NOX4: variants seen among roughly 807,000 people sequenced by gnomAD.
NOX4 encodes NADPH oxidase 4, also known as kidney oxidase-1.
In NOX4, 69 loss-of-function variants were observed where a neutral mutation model predicts 87.6. The observed-to-expected ratio is 0.79, with a 90% confidence interval of 0.65 to 0.96. The LOEUF is 0.96. Among genes scored for constraint, NOX4 ranks in the 40% least tolerant of loss-of-function variants. The probability of loss-of-function intolerance (pLI) is 0.00; values close to 1 mark genes in which losing one functional copy is unlikely to be tolerated. For synonymous variants in NOX4, 275 were observed against 238.2 expected (o/e 1.15, Z -1.42); for missense variants, 680 against 681.5 (o/e 1.00, Z 0.02).
chr11:89,588,726 T>A, the NOX4 span, among the ~76,000 whole-genome samples: 8 of 152,184 alleles, frequency 5.3e-5, no homozygotes, highest in Non-Finnish European at 1.0e-4. Flanking sequence ...GGAGGTTACA[T>A]GGGGGAGCTG....
chr11:89,583,985 T>A, the NOX4 span, among the ~76,000 whole-genome samples: 1 of 152,190 alleles, frequency 6.6e-6, no homozygotes. Context: ...ATGGTTAAAA[T>A]CAATGATGCC....
chr11:89,424,383 C>A (rs1943258830), intron 7 of NOX4, among the ~76,000 whole-genome samples: 1 of 150,182 alleles, frequency 6.7e-6, no homozygotes, highest in Admixed American at 6.6e-5. Context: ...CCATTATTTC[C>A]AGAAAAAGTA....
chr11:89,400,647 C>T (rs1324678586), intron 9 of NOX4, among the ~76,000 whole-genome samples: 1 of 151,900 alleles, frequency 6.6e-6, no homozygotes, highest in Non-Finnish European at 1.5e-5. Flanking sequence ...AGTATATATT[C>T]TTTCATACAC....
intron 8 of NOX4, among the ~76,000 whole-genome samples, chr11:89,419,495 T>C (rs1483872294): frequency 6.6e-6 from 1 of 151,972 alleles, no homozygotes. Context: ...GCATATCTAT[T>C]AAATTTCCTG....
intron 8 of NOX4, among the ~76,000 whole-genome samples, chr11:89,421,156 C>T (rs762343212): frequency 1.3e-4 from 20 of 152,134 alleles, no homozygotes; most frequent in Admixed American, 7.9e-4. Flanking sequence ...CTGTATCTTG[C>T]CAAACCAAGT....
At chr11:89,539,740 T>A in the NOX4 span, among the ~76,000 whole-genome samples, 3 of 152,134 alleles carry the variant, frequency 2.0e-5, no homozygotes, top group South Asian at 6.2e-4. Flanking sequence ...GACTCCTAAG[T>A]CCTGATACCA....
the NOX4 span, among the ~76,000 whole-genome samples, chr11:89,538,574 C>T: frequency 6.6e-5 from 10 of 152,124 alleles, no homozygotes; most frequent in Non-Finnish European, 1.3e-4. Context: ...GAATTTGGAA[C>T]ACTTATTTGA....
chr11:89,400,141 A>G (rs1941741469), intron 10 of NOX4, 62 bp from the exon 11 acceptor site: 2 of 1,578,552 alleles, frequency 1.3e-6, no homozygotes, highest in Non-Finnish European at 1.7e-6. Context: ...TATTTCAATG[A>G]TGCTATGTTT....
chr11:89,485,216 G>T (rs901105612), intron 2 of NOX4, among the ~76,000 whole-genome samples: 1 of 152,062 alleles, frequency 6.6e-6, no homozygotes, highest in African/African-American at 2.4e-5. Flanking sequence ...GAATCTGAAT[G>T]CTCAAGAGCA....
At chr11:89,572,483 T>C in the NOX4 span, among the ~76,000 whole-genome samples, 10 of 152,230 alleles carry the variant, frequency 6.6e-5, no homozygotes, top group Non-Finnish European at 1.2e-4. Context: ...TAAGTTCTTC[T>C]TGAGACAATA....
At chr11:89,526,477 T>C in the NOX4 span, among the ~76,000 whole-genome samples, 2 of 152,184 alleles carry the variant, frequency 1.3e-5, no homozygotes, top group African/African-American at 2.4e-5. Flanking sequence ...ATCTACGATA[T>C]GGTTAGGCTT....
chr11:89,525,804 G>A, the NOX4 span, among the ~76,000 whole-genome samples: 2 of 151,966 alleles, frequency 1.3e-5, no homozygotes, highest in Non-Finnish European at 2.9e-5. Flanking sequence ...AAGGTTTCAA[G>A]AATTTGTCTT....
chr11:89,586,168 A>C, the NOX4 span, among the ~76,000 whole-genome samples: 1 of 151,800 alleles, frequency 6.6e-6, no homozygotes, highest in Non-Finnish European at 1.5e-5. Context: ...TCTCTACCAA[A>C]ATGATCACTC....
chr11:89,565,948 T>A, the NOX4 span, among the ~76,000 whole-genome samples: 1 of 152,156 alleles, frequency 6.6e-6, no homozygotes, highest in Non-Finnish European at 1.5e-5. Context: ...GATAATACTG[T>A]ACTTTTTATG....
intron 2 of NOX4, among the ~76,000 whole-genome samples, chr11:89,459,848 T>A (rs138701739): frequency 6.6e-6 from 1 of 151,992 alleles, no homozygotes; most frequent in South Asian, 2.1e-4. Context: ...AGCCCACAAT[T>A]CCAAGTCAAT....
intron 2 of NOX4, among the ~76,000 whole-genome samples, chr11:89,472,631 C>T (rs751217768): frequency 2.6e-5 from 4 of 152,108 alleles, no homozygotes; most frequent in Admixed American, 6.6e-5. Context: ...CAGAAGGACA[C>T]ATAGCTATTA....
chr11:89,469,417 T>C (rs1236361173), intron 2 of NOX4, among the ~76,000 whole-genome samples: 1 of 152,212 alleles, frequency 6.6e-6, no homozygotes, highest in Non-Finnish European at 1.5e-5. Context: ...GGTGTTTGTC[T>C]AAAAATATGT....
At chr11:89,488,885 T>A (rs905259122) in intron 2 of NOX4, 1 of 646,762 alleles carries the variant, frequency 1.5e-6, no homozygotes, top group African/African-American at 1.8e-5. Flanking sequence ...TATTGAATTA[T>A]AATTATTTAT....
intron 4 of NOX4, among the ~76,000 whole-genome samples, chr11:89,447,529 G>A (rs78043739): frequency 0.022 from 3,344 of 152,248 alleles, 44 homozygotes; most frequent in Non-Finnish European, 0.033. Flanking sequence ...ACAAAGCAAT[G>A]TGGTAGATAG....
Sources: gnomAD v4.1 joint callset for allele counts (sites outside exome capture counted in the v4.1 genomes callset) on GRCh38, gnomAD v4.1.1 for gene constraint, MANE v1.5 for transcripts, NCBI Gene and HGNC (gene_info 2026-07-23, HGNC 2026-07-21) for gene names.